The following SGCD variants were observed in gnomAD, a reference collection of about 807,000 sequenced individuals.
SGCD encodes delta-sarcoglycan.
SGCD carries 18 observed loss-of-function variants against 36.6 expected under a neutral mutation model. The observed-to-expected ratio is 0.49, with a 90% CI of 0.34 to 0.73. The LOEUF is 0.73. Ranked by LOEUF, SGCD falls within the 30% of genes least tolerant of loss-of-function variation. The pLI is 0.01. For synonymous variants in SGCD, 133 were observed against 130.6 expected (o/e 1.02, Z -0.12); for missense variants, 387 against 346.7 (o/e 1.12, Z -0.92).
chr5:156,208,672 T>C (rs1360113901), intron 3 of SGCD, among the ~76,000 whole-genome samples: 3 of 152,258 alleles, frequency 2.0e-5, no homozygotes, highest in Non-Finnish European at 4.4e-5. Context: ...CTGAATATGA[T>C]ACTTATTGTG....
chr5:156,541,537 A>G (rs1487134549), intron 4 of SGCD, among the ~76,000 whole-genome samples: 1 of 152,166 alleles, frequency 6.6e-6, no homozygotes, highest in African/African-American at 2.4e-5. Flanking sequence ...CAAGGGAAGA[A>G]TAAAGGATGA....
intron 1 of SGCD, among the ~76,000 whole-genome samples, chr5:156,106,975 C>T (rs1761663639): frequency 6.6e-6 from 1 of 152,044 alleles, no homozygotes; most frequent in African/African-American, 2.4e-5. Flanking sequence ...TGCTTATGTT[C>T]TTTTTTCATC....
At chr5:156,360,024 A>C (rs1769701002) in intron 3 of SGCD, among the ~76,000 whole-genome samples, 1 of 152,148 alleles carries the variant, frequency 6.6e-6, no homozygotes, top group South Asian at 2.1e-4. Flanking sequence ...CCCTGATCCC[A>C]TAGTGCAAAG....
At chr5:156,047,309 G>C (rs1242235708) in intron 1 of SGCD, among the ~76,000 whole-genome samples, 16 of 152,142 alleles carry the variant, frequency 1.1e-4, no homozygotes, top group Admixed American at 1.0e-3. Flanking sequence ...GATGAAGGTG[G>C]CTATACCCAA....
chr5:155,974,829 A>C (rs1758077623), intron 1 of SGCD, among the ~76,000 whole-genome samples: 1 of 151,968 alleles, frequency 6.6e-6, no homozygotes, highest in Non-Finnish European at 1.5e-5. Flanking sequence ...GGGAGGCCTC[A>C]TCTCCTCTTG....
intron 3 of SGCD, among the ~76,000 whole-genome samples, chr5:156,362,477 C>A (rs1769851788): frequency 6.6e-6 from 1 of 152,156 alleles, no homozygotes; most frequent in African/African-American, 2.4e-5. Context: ...GAAACCCCAT[C>A]TCTACTAAAA....
chr5:156,503,981 A>G (rs1756574224), intron 3 of SGCD, among the ~76,000 whole-genome samples: 1 of 152,190 alleles, frequency 6.6e-6, no homozygotes, highest in East Asian at 1.9e-4. Flanking sequence ...AGGCAGGTGG[A>G]TCACCTGAGG....
At chr5:156,108,066 G>A (rs1380175921) in intron 1 of SGCD, among the ~76,000 whole-genome samples, 1 of 152,084 alleles carries the variant, frequency 6.6e-6, no homozygotes, top group Admixed American at 6.6e-5. Context: ...TGTCTAATTT[G>A]ACGAGTTGGT....
At chr5:155,783,828 T>C in the SGCD span, among the ~76,000 whole-genome samples, 1 of 152,160 alleles carries the variant, frequency 6.6e-6, no homozygotes, top group Admixed American at 6.5e-5. Flanking sequence ...GAACACGATA[T>C]GTGGTAGTAA....
chr5:155,955,921 A>G (rs1176740618), intron 1 of SGCD, among the ~76,000 whole-genome samples: 3 of 152,136 alleles, frequency 2.0e-5, no homozygotes, highest in Non-Finnish European at 4.4e-5. Flanking sequence ...GCCCTAAAGT[A>G]AAACCGTAGG....
Position 156,069,846 on chromosome 5 carries a change from G to A in SGCD, c.-281-48032G>A, listed in dbSNP as rs556032656. On this transcript the variant is annotated intron_variant, in intron 1 of 9. Transcript: ENST00000517913. ...AGCTCTCCTTGAAGATGTCCTTCAC[G>A]TCCCTTGTAAGTTGGATTCCTAGGT... Among the ~76,000 whole-genome samples the A allele has an allele frequency of 1.6e-3, 247 of 152,014 alleles. 1 individual carries two copies. Among genetic ancestry groups the A allele is most frequent in the African/African-American group, 5.3e-3 (221 of 41,396 alleles).
chr5:156,120,041 G>A (rs1761998067), intron 2 of SGCD, among the ~76,000 whole-genome samples: 1 of 152,062 alleles, frequency 6.6e-6, no homozygotes, highest in Non-Finnish European at 1.5e-5. Flanking sequence ...ATTATTCCTA[G>A]TATATACTTT....
chr5:156,633,789 G>A (rs899568091), intron 6 of SGCD, among the ~76,000 whole-genome samples: 1 of 152,184 alleles, frequency 6.6e-6, no homozygotes, highest in Non-Finnish European at 1.5e-5. Flanking sequence ...CGTACATGGT[G>A]TCAAGAAAAC....
intron 3 of SGCD, among the ~76,000 whole-genome samples, chr5:156,496,905 A>G (rs576770010): frequency 6.6e-6 from 1 of 152,278 alleles, no homozygotes; most frequent in East Asian, 1.9e-4. Flanking sequence ...TTGTTCTTCA[A>G]AGCCACTGAG....
Position 156,488,011 on chromosome 5 carries a change from G to T in SGCD, c.193-20590G>T, listed in dbSNP as rs550676689. On this transcript the variant is annotated intron_variant, in intron 3 of 8. Coordinates refer to ENST00000337851, the MANE Select transcript of SGCD (RefSeq NM_000337.6). ...ATGAATCAACAGAAATCCTGGAGCT[G>T]AAGAATTTAATGAATAAAATAAAAA... 2.1e-4 allele frequency among the ~76,000 whole-genome samples: 29 copies of T among 141,292 alleles called. No homozygotes were observed. The South Asian group carries it at 5.4e-3, about 26-fold the overall frequency. The allele number at this position is 141,292 out of a possible 152,430, so 92.7% of individuals were successfully genotyped here.
chr5:155,806,881 G>C, the SGCD span, among the ~76,000 whole-genome samples: 1 of 152,120 alleles, frequency 6.6e-6, no homozygotes, highest in African/African-American at 2.4e-5. Flanking sequence ...AATCAGAACA[G>C]AAAACAGTAA....
At chr5:155,818,543 T>A in the SGCD span, among the ~76,000 whole-genome samples, 2 of 152,096 alleles carry the variant, frequency 1.3e-5, no homozygotes, top group Non-Finnish European at 2.9e-5. Flanking sequence ...GTTTTTGAGA[T>A]AGAGTCTCAC....
At chr5:156,121,515 C>T (rs1339374372) in intron 2 of SGCD, among the ~76,000 whole-genome samples, 1 of 151,992 alleles carries the variant, frequency 6.6e-6, no homozygotes, top group East Asian at 1.9e-4. Flanking sequence ...TTTTAGACTA[C>T]TGAGGATAAG....
In SGCD at chr5:156,433,753, G is replaced by C. The variant is rs1383118098; in HGVS notation, c.193-74848G>C. Reference sequence around the variant, plus strand: ...AATGGCCTGTCACCATATGCAGCTTGATAATAGGGTAAACATTGTCAACAC... The same window carrying C: ...AATGGCCTGTCACCATATGCAGCTTCATAATAGGGTAAACATTGTCAACAC... On this transcript the variant is annotated intron_variant, in intron 3 of 8. Transcript: ENST00000337851. 2.0e-5 allele frequency among the ~76,000 whole-genome samples: 3 copies of C among 152,328 alleles called. No individual in the cohort carries two copies. The East Asian group carries it at 5.8e-4, about 29-fold the overall frequency.
Sources: allele counts gnomAD v4.1 joint callset (sites outside exome capture counted in the v4.1 genomes callset), GRCh38; gene constraint gnomAD v4.1.1; transcripts MANE v1.5; gene names NCBI Gene and HGNC (gene_info 2026-07-23, HGNC 2026-07-21).